Variants in CCNJL observed in about 807,000 individuals in gnomAD.
The protein encoded by CCNJL is cyclin-J-like protein.
CCNJL carries 33 observed loss-of-function variants against 33.4 expected under a neutral mutation model. That is an observed-to-expected ratio of 0.99 (90% CI 0.75 to 1.32). The LOEUF is 1.32. Among genes scored for constraint, CCNJL ranks in the 40% most tolerant of loss-of-function variants. CCNJL has a pLI of 0.00. For missense variants in CCNJL, 512 were observed against 499.7 expected (o/e 1.02, Z -0.23); for synonymous variants, 227 against 220.9 (o/e 1.03, Z -0.24).
At chr5:160,294,351 CTCCTGCTGAAGTCCAGCCTGTAGCTTCCT>C (rs1367012384) in intron 2 of CCNJL, among the ~76,000 whole-genome samples, 1 of 152,224 alleles carries the variant, frequency 6.6e-6, no homozygotes. Flanking sequence ...GTAACGTCCC[CTCCTGCTGAAGTCCAGCCTGTAGCTTCCT>C]TCCAGCAGAG....
intron 2 of CCNJL, among the ~76,000 whole-genome samples, chr5:160,290,391 G>A (rs910920707): frequency 2.0e-5 from 3 of 151,630 alleles, no homozygotes; most frequent in South Asian, 2.1e-4. Context: ...TCAGCCTCCC[G>A]AGTAGCTGGA....
intron 3 of CCNJL, among the ~76,000 whole-genome samples, chr5:160,264,727 C>A (rs148572207): frequency 1.3e-5 from 2 of 152,168 alleles, no homozygotes; most frequent in East Asian, 1.9e-4. Context: ...ATTCCTAGGT[C>A]CCCCCTCTCC....
intron 1 of CCNJL, 60 bp downstream of exon 1, chr5:160,312,304 C>G: frequency 3.3e-6 from 1 of 303,278 alleles, no homozygotes; most frequent in South Asian, 3.9e-5. Flanking sequence ...CAACTCCTCC[C>G]CCGCCGCCCA....
upstream of CCNJL, among the ~76,000 whole-genome samples, chr5:160,316,964 G>T (rs566010489): frequency 1.6e-4 from 24 of 152,322 alleles, no homozygotes; most frequent in African/African-American, 5.8e-4. Flanking sequence ...ATACTCAACT[G>T]TCCAGGGGAA....
chr5:160,262,054 A>G (rs1022057871), intron 3 of CCNJL, among the ~76,000 whole-genome samples: 1 of 152,206 alleles, frequency 6.6e-6, no homozygotes, highest in Non-Finnish European at 1.5e-5. Flanking sequence ...AGTTTTTAAA[A>G]GGAAGAATTT....
intron 1 of CCNJL, among the ~76,000 whole-genome samples, chr5:160,332,120 C>G (rs987299546): frequency 6.6e-6 from 1 of 152,146 alleles, no homozygotes; most frequent in African/African-American, 2.4e-5. Context: ...CACCCCTCCT[C>G]ACATTCAGCT....
intron 2 of CCNJL, among the ~76,000 whole-genome samples, chr5:160,292,680 TAG>T (rs540818292): frequency 5.1e-4 from 64 of 126,338 alleles, no homozygotes; most frequent in African/African-American, 2.5e-3. Flanking sequence ...ATATATATAG[TAG>T]TTTTATATAT....
chr5:160,297,657 A>G (rs1762790506), intron 2 of CCNJL, among the ~76,000 whole-genome samples: 1 of 107,384 alleles, frequency 9.3e-6, no homozygotes, highest in Non-Finnish European at 1.8e-5. Flanking sequence ...CTATTTACAA[A>G]AAAAAAAAAA....
intron 1 of CCNJL, among the ~76,000 whole-genome samples, chr5:160,323,094 G>A (rs1268390058): frequency 6.6e-6 from 1 of 151,922 alleles, no homozygotes; most frequent in South Asian, 2.1e-4. Context: ...AATTAGCTGG[G>A]TGTGGTGGCA....
rs183582426 is a variant in CCNJL at position 160,304,405 on chromosome 5, C to A, written c.66+7453G>T. 1.5e-4 allele frequency among the ~76,000 whole-genome samples: 23 copies of A among 152,274 alleles called. No homozygotes were observed. The East Asian group carries it at 4.3e-3, about 28-fold the overall frequency. ...CCTCTGTATACACCTTCTAAGACAG[C>A]TTGAATCACCTCTGCAGGTTAGACT... is the stretch of plus-strand genomic sequence containing the variant. On this transcript the variant is annotated intron_variant, in intron 2 of 5. Coordinates refer to ENST00000257536, the MANE Select transcript of CCNJL (RefSeq NM_001308173.3).
chr5:160,283,759 C>A (rs1428326745), intron 2 of CCNJL, among the ~76,000 whole-genome samples: 4 of 151,910 alleles, frequency 2.6e-5, no homozygotes, highest in African/African-American at 9.7e-5. Flanking sequence ...ATCCCCACCT[C>A]CCCCACAACC....
chr5:160,308,734 C>A (rs760404437), intron 2 of CCNJL, among the ~76,000 whole-genome samples: 13 of 152,182 alleles, frequency 8.5e-5, no homozygotes, highest in Non-Finnish European at 1.3e-4. Flanking sequence ...CTAGCCTGTG[C>A]GACAGAGTGA....
chr5:160,316,541 A>G (rs1197064327), upstream of CCNJL, among the ~76,000 whole-genome samples: 2 of 152,220 alleles, frequency 1.3e-5, no homozygotes, highest in Non-Finnish European at 2.9e-5. Context: ...TTCATATGAT[A>G]CAAACTCTCA....
intron 2 of CCNJL, among the ~76,000 whole-genome samples, chr5:160,292,946 C>A (rs779990687): frequency 6.6e-6 from 1 of 152,172 alleles, no homozygotes; most frequent in Non-Finnish European, 1.5e-5. Flanking sequence ...AGCATCCCTA[C>A]ATTACAGACA....
At chr5:160,302,614 C>A (rs1263524568) in intron 2 of CCNJL, among the ~76,000 whole-genome samples, 4 of 152,012 alleles carry the variant, frequency 2.6e-5, no homozygotes, top group Non-Finnish European at 4.4e-5. Flanking sequence ...GAGTTTGAGA[C>A]CAGCCTGGCC....
chr5:160,315,503 C>A, upstream of CCNJL: 2 of 350,044 alleles, frequency 5.7e-6, no homozygotes, highest in South Asian at 2.0e-5. Context: ...CGAGACACTG[C>A]CTCTGAAAAC....
rs570182249 is a variant in CCNJL at position 160,259,976 on chromosome 5, C to A, written c.281-205G>T. Among the ~76,000 whole-genome samples, 7 of 152,350 alleles carry A rather than the reference C, an allele frequency of 4.6e-5. 1 individual carries two copies. Among genetic ancestry groups the A allele is most frequent in the Admixed American group, 2.6e-4 (4 of 15,310 alleles). On this transcript the variant is annotated intron_variant, in intron 3 of 5. Transcript: ENST00000257536. Reference sequence around the variant, plus strand: ...AAGCCATCACTTCCCACTGGGGGATCATGGCTAGGTGTCTCAACCTCTCTG... The same window carrying A: ...AAGCCATCACTTCCCACTGGGGGATAATGGCTAGGTGTCTCAACCTCTCTG...
chr5:160,268,573 A>G (rs746617664), intron 3 of CCNJL, among the ~76,000 whole-genome samples: 1 of 152,164 alleles, frequency 6.6e-6, no homozygotes, highest in African/African-American at 2.4e-5. Context: ...GGAGAGAGAA[A>G]GCCAGGGACA....
At chr5:160,319,342 TC>T (rs1461523859) in intron 1 of CCNJL, among the ~76,000 whole-genome samples, 1 of 152,184 alleles carries the variant, frequency 6.6e-6, no homozygotes, top group Non-Finnish European at 1.5e-5. Context: ...GGCAAAGTTT[TC>T]CCCCTTGCTA....
Sources: allele counts gnomAD v4.1 joint callset (sites outside exome capture counted in the v4.1 genomes callset), GRCh38; gene constraint gnomAD v4.1.1; transcripts MANE v1.5; gene names NCBI Gene and HGNC (gene_info 2026-07-23, HGNC 2026-07-21).